PRLR: variants seen among roughly 807,000 people sequenced by gnomAD.
The protein encoded by PRLR is prolactin receptor, also known as hPRL receptor.
In PRLR, 13 loss-of-function variants were observed where a neutral mutation model predicts 40.2. That is an observed-to-expected ratio of 0.32 (90% confidence interval 0.21 to 0.51). The LOEUF is 0.51. PRLR is among the 20% of genes least tolerant of loss of function. The pLI, the probability that PRLR is intolerant of heterozygous loss-of-function variation, is 0.97. For missense variants in PRLR, 656 were observed against 747.3 expected (o/e 0.88, Z 1.42); for synonymous variants, 269 against 278.7 (o/e 0.97, Z 0.35).
At chr5:35,106,492 CAG>C (rs1178900579) in intron 2 of PRLR, among the ~76,000 whole-genome samples, 5 of 152,282 alleles carry the variant, frequency 3.3e-5, no homozygotes, top group African/African-American at 1.2e-4. Flanking sequence ...ACTTCTCATG[CAG>C]AGACACACAT....
At chr5:35,135,186 A>G (rs2111794813) in intron 1 of PRLR, 1 of 152,234 alleles carries the variant, frequency 6.6e-6, no homozygotes, top group African/African-American at 2.4e-5. Flanking sequence ...AAAAGAAAAT[A>G]ATTCTGTCCT....
intron 1 of PRLR, among the ~76,000 whole-genome samples, chr5:35,132,396 G>T (rs1354566019): frequency 6.6e-6 from 1 of 151,768 alleles, no homozygotes; most frequent in Admixed American, 6.6e-5. Context: ...GTGAAATCTG[G>T]ATATATATTA....
Position 35,120,011 on chromosome 5 carries a change from C to T in PRLR, c.-105-1889G>A, listed in dbSNP as rs527316736. 5.3e-5 allele frequency among the ~76,000 whole-genome samples: 8 copies of T among 152,144 alleles called. No individual in the cohort carries two copies. In the East Asian group the frequency reaches 1.5e-3, roughly 29 times the overall value. Reference sequence around the variant, plus strand: ...CATTTAGGAAATGCTTGGCTTACCACTTAGCCCTTGTCATCCTCTGCCCTG... The same window carrying T: ...CATTTAGGAAATGCTTGGCTTACCATTTAGCCCTTGTCATCCTCTGCCCTG... On this transcript the variant is annotated intron_variant, in intron 1 of 9. Transcript: ENST00000618457.
At chr5:35,211,311 T>C (rs747242459) in intron 1 of PRLR, among the ~76,000 whole-genome samples, 2 of 152,056 alleles carry the variant, frequency 1.3e-5, no homozygotes, top group Non-Finnish European at 2.9e-5. Flanking sequence ...GGGGCATCAT[T>C]AGGAAGAGGT....
chr5:35,096,463 C>G (rs977060344), intron 2 of PRLR, among the ~76,000 whole-genome samples: 1 of 152,116 alleles, frequency 6.6e-6, no homozygotes, highest in African/African-American at 2.4e-5. Context: ...AGGAACTAGT[C>G]CCTCATGAGA....
chr5:35,212,984 A>G (rs1413630751), intron 1 of PRLR, among the ~76,000 whole-genome samples: 1 of 152,186 alleles, frequency 6.6e-6, no homozygotes, highest in African/African-American at 2.4e-5. Context: ...ACCCACAAAG[A>G]GAAAGTCTCA....
rs1485002919 is a variant in PRLR at position 35,059,495 on chromosome 5, A to C, written c.*5594T>G. 6.6e-6 allele frequency: 1 copy of C among 152,158 alleles called. No individual in the cohort carries two copies. The highest frequency in any genetic ancestry group is 1.5e-5 in the Non-Finnish European group (1 of 68,032). The allele number at this position is 152,158 out of a possible 1,614,324, so 9.4% of individuals were successfully genotyped here. On this transcript the variant is annotated 3_prime_UTR_variant, in exon 10 of 10. Transcript: ENST00000618457. ...TCATAAAATCTGTTCAGAACACTGA[A>C]CAGATTTAGATTTACCATAGCCAAT...
At chr5:35,053,863 G>T (rs569527922), downstream of PRLR, among the ~76,000 whole-genome samples, 8 of 152,160 alleles carry the variant, frequency 5.3e-5, no homozygotes, top group Non-Finnish European at 1.2e-4. Context: ...TTGAAGAAGG[G>T]TATGGTGGTG....
intron 2 of PRLR, among the ~76,000 whole-genome samples, chr5:35,116,491 G>A (rs34236258): frequency 0.053 from 8,052 of 152,126 alleles, 500 homozygotes; most frequent in East Asian, 0.18. Flanking sequence ...ACAAAGTAGC[G>A]GCCAAATTTT....
At chr5:35,151,362 G>C (rs1223223516) in intron 1 of PRLR, among the ~76,000 whole-genome samples, 1 of 152,162 alleles carries the variant, frequency 6.6e-6, no homozygotes, top group Non-Finnish European at 1.5e-5. Flanking sequence ...CTGGAGAATT[G>C]CCTAGATTCA....
At chr5:35,177,468 C>T (rs1775181673) in intron 1 of PRLR, among the ~76,000 whole-genome samples, 2 of 152,126 alleles carry the variant, frequency 1.3e-5, no homozygotes, top group South Asian at 4.1e-4. Flanking sequence ...ATTCCCCATC[C>T]CCACCTCTCC....
chr5:35,187,766 C>T (rs1156373710), intron 1 of PRLR, among the ~76,000 whole-genome samples: 1 of 152,200 alleles, frequency 6.6e-6, no homozygotes, highest in Non-Finnish European at 1.5e-5. Flanking sequence ...AGTAGACATC[C>T]TGCTTCCCAG....
Position 35,063,112 on chromosome 5 carries a change from G to A in PRLR, c.*1977C>T, listed in dbSNP as rs1320664740. ...TGCCCAGGTGATGCCTATGCAGTTG[G>A]TTCTCAGACAGTTAAAGTATCGAGG... On this transcript the variant is annotated 3_prime_UTR_variant, in exon 10 of 10. Coordinates refer to ENST00000618457, the MANE Select transcript of PRLR (RefSeq NM_000949.7). 1 of 152,210 alleles carries A rather than the reference G, an allele frequency of 6.6e-6. No individual in the cohort carries two copies. Among genetic ancestry groups the A allele is most frequent in the Non-Finnish European group, 1.5e-5 (1 of 68,036 alleles). The allele number at this position is 152,210 out of a possible 1,614,324, so 9.4% of individuals were successfully genotyped here.
Position 35,062,141 on chromosome 5 carries a change from C to T in PRLR, c.*2948G>A, listed in dbSNP as rs147009790. Reference sequence around the variant, plus strand: ...AAAGCAAAGTATAAAGAGCACATCACTGAAGATTACTTTGTATTTCTATGA... The same window carrying T: ...AAAGCAAAGTATAAAGAGCACATCATTGAAGATTACTTTGTATTTCTATGA... On this transcript the variant is annotated 3_prime_UTR_variant, in exon 10 of 10. Transcript: ENST00000618457. The T allele has an allele frequency of 4.0e-3, 610 of 152,266 alleles. 3 individuals carry two copies. The highest frequency in any genetic ancestry group is 0.014 in the African/African-American group (586 of 41,554). 9.4% of individuals were successfully genotyped at this position (152,266 alleles called of 1,614,324 possible). A position where few individuals can be genotyped will look rare whatever the true frequency, so the allele number is the denominator to read the frequency against.
intron 1 of PRLR, among the ~76,000 whole-genome samples, chr5:35,138,376 G>T (rs189701298): frequency 3.2e-4 from 48 of 152,322 alleles, no homozygotes; most frequent in Non-Finnish European, 6.0e-4. Flanking sequence ...CACAATTAAA[G>T]AAAATGTCAT....
In PRLR at chr5:35,065,800, A is replaced by G. The variant is rs1284462014; in HGVS notation, c.1158T>C (p.Pro386=). 1.2e-6 allele frequency: 2 copies of G among 1,614,118 alleles called. No homozygotes were observed. Among genetic ancestry groups the G allele is most frequent in the South Asian group, 2.2e-5 (2 of 91,080 alleles). Residue 386 remains proline, a synonymous_variant, in exon 10 of 10, where the codon CCT becomes CCC. Coordinates refer to ENST00000618457, the MANE Select transcript of PRLR (RefSeq NM_000949.7). The stretch of plus-strand genomic sequence containing the variant: ...GGGGGTCCCAGGTGTGGGTTGTTTC[A>G]GGATTCTCTGGCTTCTCAATGACCT... ...DPEVIEKPEN[P]ETTHTWDPQC...
Position 35,065,298 on chromosome 5 carries a change from C to G in PRLR, c.1660G>C (p.Asp554His), listed in dbSNP as rs767785645. ...GGCACCAACACCAGGATGTTGTTAT[C>G]CATGACCCCGGACACCTTGGCATAC... ...KEYAKVSGVM[D>H]NNILVLVPDP... The change falls in exon 10 of 10, where the codon GAT (aspartate) becomes CAT (histidine). Residue 554 changes from aspartate (D) to histidine (H), a missense_variant. This residue lies in a region of PRLR where 469 missense variants were observed against 491.5 expected (regional missense o/e 0.95). Transcript: ENST00000618457. 5.6e-6 allele frequency: 9 copies of G among 1,614,132 alleles called. No individual in the cohort carries two copies. Among genetic ancestry groups the G allele is most frequent in the Non-Finnish European group, 6.8e-6 (8 of 1,180,022 alleles).
chr5:35,067,600 G>A (rs1769460612), intron 9 of PRLR, among the ~76,000 whole-genome samples: 1 of 152,182 alleles, frequency 6.6e-6, no homozygotes, highest in South Asian at 2.1e-4. Flanking sequence ...TCAGTGTTAA[G>A]CTTAAAAGCC....
At chr5:35,149,204 A>G (rs972374386) in intron 1 of PRLR, among the ~76,000 whole-genome samples, 7 of 152,124 alleles carry the variant, frequency 4.6e-5, no homozygotes, top group African/African-American at 1.7e-4. Context: ...ACCAACTTTA[A>G]AAGACCCAAG....
Sources: gnomAD v4.1 joint callset for allele counts (sites outside exome capture counted in the v4.1 genomes callset) on GRCh38, gnomAD v4.1.1 for gene constraint, gnomAD v4.1.1 regional missense constraint, MANE v1.5 for transcripts, NCBI Gene and HGNC (gene_info 2026-07-23, HGNC 2026-07-21) for gene names.